The following MICAL2 variants were observed in gnomAD, a reference collection of about 807,000 sequenced individuals.
MICAL2 encodes microtubule associated monooxygenase, calponin and LIM domain containing 2.
MICAL2 carries 77 observed loss-of-function variants against 127.3 expected under a neutral mutation model. The observed-to-expected ratio is 0.60, with a 90% CI of 0.50 to 0.73. The LOEUF (loss-of-function observed/expected upper bound fraction) is 0.73. Among genes scored for constraint, MICAL2 ranks in the 30% least tolerant of loss-of-function variants. The pLI, the probability that MICAL2 is intolerant of heterozygous loss-of-function variation, is 0.00. For missense variants in MICAL2, 1,351 were observed against 1,434.4 expected (o/e 0.94, Z 0.94); for synonymous variants, 570 against 551.1 (o/e 1.03, Z -0.48).
chr11:12,275,441 C>G (rs143512702), upstream of MICAL2, among the ~76,000 whole-genome samples: 1 of 152,066 alleles, frequency 6.6e-6, no homozygotes, highest in African/African-American at 2.4e-5. Context: ...GACTGAGTCC[C>G]GGGATCTTTC....
chr11:12,268,221 A>C (rs1863630420), downstream of MICAL2, among the ~76,000 whole-genome samples: 1 of 152,186 alleles, frequency 6.6e-6, no homozygotes, highest in South Asian at 2.1e-4. Context: ...CCCCCTGATT[A>C]TGAGAAGGGA....
At chr11:12,116,351 ATTTTTTTTTTTTTTTT>A (rs56280931) in intron 1 of MICAL2, among the ~76,000 whole-genome samples, 1 of 107,738 alleles carries the variant, frequency 9.3e-6, no homozygotes, top group South Asian at 3.2e-4. Context: ...CTTGATTTTG[ATTTTTTTTTTTTTTTT>A]TTTTTTTTTT....
At chr11:12,296,758 A>G (rs1863990815), downstream of MICAL2, among the ~76,000 whole-genome samples, 1 of 151,854 alleles carries the variant, frequency 6.6e-6, no homozygotes, top group African/African-American at 2.4e-5. Flanking sequence ...GTAAGAGCAA[A>G]TTTATATACT....
At position 12,220,434 on chromosome 11, in the gene MICAL2, C is replaced by G. The variant is rs73418106; in HGVS notation, c.1182C>G (p.Ala394=). 1,020 of 1,610,868 alleles carry G rather than the reference C, an allele frequency of 6.3e-4. 8 individuals are homozygous for G. In the African/African-American group the frequency reaches 0.012, roughly 19 times the overall value. The change falls in exon 9 of 28, where the codon GCC becomes GCG. Residue 394 remains alanine (A), a synonymous_variant. Coordinates refer to ENST00000683283, the MANE Select transcript of MICAL2 (RefSeq NM_001282663.2). ...GGCAGGCGCACCAGCTGCTCGTGGCCCTTGTGGGTGACAGCTTGCTTGAGG... is the reference window on the plus strand; with the variant it reads ...GGCAGGCGCACCAGCTGCTCGTGGCGCTTGTGGGTGACAGCTTGCTTGAGG... ...RERQAHQLLV[A]LVGDSLLEPF... is the part of the protein sequence containing the mutation.
chr11:12,165,614 A>G (rs1170946033), intron 3 of MICAL2, among the ~76,000 whole-genome samples: 1 of 152,234 alleles, frequency 6.6e-6, no homozygotes, highest in Admixed American at 6.5e-5. Flanking sequence ...GCATCTCAGC[A>G]CCACCTGGAG....
intron 3 of MICAL2, among the ~76,000 whole-genome samples, chr11:12,192,828 G>A (rs532791187): frequency 2.6e-5 from 4 of 152,266 alleles, no homozygotes; most frequent in Non-Finnish European, 4.4e-5. Context: ...GAGAGGAGCC[G>A]TGGGTCATTG....
chr11:12,121,401 T>G (rs1850497764), intron 1 of MICAL2: 1 of 152,676 alleles, frequency 6.5e-6, no homozygotes, highest in Non-Finnish European at 1.5e-5. Context: ...GACCACCTCC[T>G]CCAAAGAAAG....
chr11:12,228,205 C>T (rs59118955), intron 15 of MICAL2, among the ~76,000 whole-genome samples: 6,648 of 152,208 alleles, frequency 0.044, 341 homozygotes, highest in African/African-American at 0.12. Flanking sequence ...TGACAGGTGC[C>T]TGTAATCCCA....
chr11:12,284,613 CA>C (rs1333494385), intron 2 of MICAL2, among the ~76,000 whole-genome samples: 2 of 151,968 alleles, frequency 1.3e-5, no homozygotes, highest in East Asian at 1.9e-4. Context: ...GAGCTTTATG[CA>C]ATTTTTTTTT....
chr11:12,183,807 G>T (rs747227366), intron 3 of MICAL2, among the ~76,000 whole-genome samples: 5 of 152,048 alleles, frequency 3.3e-5, no homozygotes, highest in African/African-American at 9.7e-5. Flanking sequence ...TTGAGACAGG[G>T]TCTCACTCTG....
chr11:12,229,947 A>C (rs1412978570), intron 15 of MICAL2, among the ~76,000 whole-genome samples: 1 of 152,160 alleles, frequency 6.6e-6, no homozygotes, highest in Admixed American at 6.5e-5. Context: ...GGATAGGTAG[A>C]GATATTTGGC....
At chr11:12,342,649 A>G (rs1938885490) in intron 32 of MICAL2, among the ~76,000 whole-genome samples, 1 of 152,224 alleles carries the variant, frequency 6.6e-6, no homozygotes, top group African/African-American at 2.4e-5. Flanking sequence ...GCCAAGCACA[A>G]TGCTTAGCCA....
rs368052248 is a variant in MICAL2, at chr11:12,279,738, C to T, written c.88-1195C>T. On this transcript the variant is annotated intron_variant, in intron 1 of 2. Coordinates refer to the MICAL2 transcript ENST00000529028. ...AGAGGCTGTCTCCACACATGGAACT[C>T]GGCTACTGAGGGTCTCAGACCGTAT... Among the ~76,000 whole-genome samples, 20 of 152,292 alleles carry T rather than the reference C, an allele frequency of 1.3e-4. No homozygotes were observed. The East Asian group carries it at 1.4e-3, about 10-fold the overall frequency.
At chr11:12,209,298 T>C (rs1003597801) in intron 5 of MICAL2, among the ~76,000 whole-genome samples, 199 bp from the exon 6 acceptor site, 2 of 152,208 alleles carry the variant, frequency 1.3e-5, no homozygotes, top group Non-Finnish European at 2.9e-5. Context: ...TACTTCATCC[T>C]GGATTGAACT....
At chr11:12,260,591 A>T in intron 26 of MICAL2, 1 of 991,080 alleles carries the variant, frequency 1.0e-6, no homozygotes, top group Non-Finnish European at 1.2e-6. Flanking sequence ...TTTTACACGC[A>T]TGAAAATGAG....
intron 8 of MICAL2, among the ~76,000 whole-genome samples, chr11:12,219,925 T>C (rs545437634): frequency 6.6e-6 from 1 of 152,340 alleles, no homozygotes; most frequent in South Asian, 2.1e-4. Flanking sequence ...TACGCTTCCT[T>C]CTTTCTGATA....
At chr11:12,256,482 C>T (rs889672083) in intron 23 of MICAL2, 5 of 268,124 alleles carry the variant, frequency 1.9e-5, no homozygotes, top group South Asian at 9.2e-5. Flanking sequence ...AAGCCCACTC[C>T]GTCAGACCAG....
intron 32 of MICAL2, among the ~76,000 whole-genome samples, chr11:12,330,927 GTGTGTCTGTA>G (rs1864419635): frequency 6.7e-6 from 1 of 149,446 alleles, no homozygotes; most frequent in South Asian, 2.1e-4. Context: ...GTGTGTGTGT[GTGTGTCTGTA>G]TGTGTGTGTC....
intron 16 of MICAL2, among the ~76,000 whole-genome samples, chr11:12,236,701 A>G (rs1859118608): frequency 6.6e-6 from 1 of 152,226 alleles, no homozygotes; most frequent in African/African-American, 2.4e-5. Context: ...CACAAGTGCC[A>G]CCTTCTGGTG....
Sources: allele counts gnomAD v4.1 joint callset (sites outside exome capture counted in the v4.1 genomes callset), GRCh38; gene constraint gnomAD v4.1.1; transcripts MANE v1.5; gene names NCBI Gene and HGNC (gene_info 2026-07-23, HGNC 2026-07-21).